Variants in LPP observed in about 807,000 individuals in gnomAD.
LPP encodes lipoma-preferred partner.
Under a neutral mutation model 60.4 loss-of-function variants are expected in LPP, and 38 were observed. That is an observed-to-expected ratio of 0.63 (90% CI 0.49 to 0.83). The LOEUF is 0.83. Among genes scored for constraint, LPP ranks in the 40% least tolerant of loss-of-function variants. LPP has a pLI of 0.00. For missense variants in LPP, 902 were observed against 783.6 expected, an observed-to-expected ratio of 1.15 and a Z score of -1.80; for synonymous variants, 328 against 290.8, an observed-to-expected ratio of 1.13 and a Z score of -1.30.
chr3:188,231,434 A>C (rs73057670), intron 2 of LPP, among the ~76,000 whole-genome samples: 2,472 of 152,344 alleles, frequency 0.016, 59 homozygotes, highest in African/African-American at 0.054. Context: ...GCACTGGTAC[A>C]TAATAGCACA....
rs1277054996 is a variant in LPP at position 188,708,254 on chromosome 3, T to G, written c.1114-13T>G. On this transcript the variant is annotated splice_polypyrimidine_tract_variant and intron_variant, in intron 7 of 11. Coordinates refer to ENST00000617246, the MANE Select transcript of LPP (RefSeq NM_001375462.1). ...GGTGGCAATTAAAGGACTGTGTGCT[T>G]TCTGCCTTTCAGGGTGGCCATTCAG... is the stretch of plus-strand genomic sequence containing the variant. The G allele has an allele frequency of 1.2e-6, 2 of 1,613,770 alleles. No homozygotes were observed. Among genetic ancestry groups the G allele is most frequent in the African/African-American group, 2.7e-5 (2 of 74,926 alleles).
At chr3:188,384,787 CTCAAAA>C (rs1560332367) in intron 3 of LPP, among the ~76,000 whole-genome samples, 1 of 39,830 alleles carries the variant, frequency 2.5e-5, no homozygotes. Context: ...GAGACTCTGT[CTCAAAA>C]AAAAAAAAAA....
intron 3 of LPP, among the ~76,000 whole-genome samples, chr3:188,364,753 T>A (rs1371505035): frequency 1.3e-5 from 2 of 152,210 alleles, no homozygotes; most frequent in African/African-American, 2.4e-5. Context: ...TTTTTCATAT[T>A]TGTTTCCTGC....
chr3:188,684,799 A>ATGCATGG lies in LPP; in HGVS notation c.1114-23466_1114-23460dup, dbSNP rs567866504. On this transcript the variant is annotated intron_variant, in intron 7 of 11. Coordinates refer to ENST00000617246, the MANE Select transcript of LPP (RefSeq NM_001375462.1). ...TCCCTGTGTTACTGTGTCATCTCTC[A>ATGCATGG]TGCATGGTATAGGATGATGATGGTG... is the stretch of plus-strand genomic sequence containing the variant. Among the ~76,000 whole-genome samples, 719 of 151,924 alleles carry ATGCATGG rather than the reference A, an allele frequency of 4.7e-3. 7 individuals carry two copies. Among genetic ancestry groups the ATGCATGG allele is most frequent in the Non-Finnish European group, 7.3e-3 (499 of 67,952 alleles).
rs73054788 is a variant in LPP at position 188,561,755 on chromosome 3, T to C, written c.429+36968T>C. Among the ~76,000 whole-genome samples, 636 of 152,148 alleles carry C rather than the reference T, an allele frequency of 4.2e-3. 7 individuals carry two copies. Among genetic ancestry groups the C allele is most frequent in the African/African-American group, 0.014 (601 of 41,530 alleles). Reference sequence around the variant, plus strand: ...TTTTAATTTTGCAAGGAAATACTCATTACATATAAGGATAGGAGACTTCAC... The same window carrying C: ...TTTTAATTTTGCAAGGAAATACTCACTACATATAAGGATAGGAGACTTCAC... On this transcript the variant is annotated intron_variant, in intron 6 of 11. Transcript: ENST00000617246.
chr3:188,440,453 G>A (rs1410486827), intron 4 of LPP, among the ~76,000 whole-genome samples: 1 of 151,854 alleles, frequency 6.6e-6, no homozygotes, highest in Middle Eastern at 3.2e-3. Flanking sequence ...GGATTTTTTT[G>A]TAGTCCTTCA....
intron 5 of LPP, among the ~76,000 whole-genome samples, chr3:188,488,505 C>T (rs981478550): frequency 6.6e-6 from 1 of 152,128 alleles, no homozygotes; most frequent in Non-Finnish European, 1.5e-5. Flanking sequence ...GTTCTTCATT[C>T]ATTCAGTGTA....
chr3:188,589,409 T>C (rs1355382247), intron 6 of LPP, among the ~76,000 whole-genome samples: 1 of 152,190 alleles, frequency 6.6e-6, no homozygotes, highest in Non-Finnish European at 1.5e-5. Flanking sequence ...CCTTCTGTCC[T>C]ATGAATGCCA....
At chr3:188,591,967 G>C (rs1479207550) in intron 6 of LPP, among the ~76,000 whole-genome samples, 1 of 152,196 alleles carries the variant, frequency 6.6e-6, no homozygotes, top group Non-Finnish European at 1.5e-5. Context: ...GAGAAGTGTG[G>C]AGGTGGGAGC....
rs566661068 is a variant in LPP at position 188,162,997 on chromosome 3, C to T, written c.-190+8745C>T. Reference sequence around the variant, plus strand: ...TCACCACAGTTGAGTATAGTGTGCCCGCAAAAGTGGGATGAGTGCCACAGA... The same window carrying T: ...TCACCACAGTTGAGTATAGTGTGCCTGCAAAAGTGGGATGAGTGCCACAGA... On this transcript the variant is annotated intron_variant, in intron 1 of 11. Coordinates refer to ENST00000617246, the MANE Select transcript of LPP (RefSeq NM_001375462.1). Among the ~76,000 whole-genome samples the T allele has an allele frequency of 4.6e-5, 7 of 152,180 alleles. No individual in the cohort carries two copies. In the South Asian group the frequency reaches 6.2e-4, roughly 14 times the overall value.
At chr3:188,612,241 T>A (rs1426878267) in intron 7 of LPP, among the ~76,000 whole-genome samples, 1 of 152,190 alleles carries the variant, frequency 6.6e-6, no homozygotes, top group African/African-American at 2.4e-5. Context: ...ATCTGTCCTG[T>A]CTGTGCTTTG....
At chr3:188,544,219 T>C (rs1825943593) in intron 6 of LPP, among the ~76,000 whole-genome samples, 1 of 152,180 alleles carries the variant, frequency 6.6e-6, no homozygotes, top group South Asian at 2.1e-4. Flanking sequence ...TAGTACAGAT[T>C]TTCAGCTTGA....
chr3:188,202,227 A>C (rs1029805586), intron 1 of LPP, among the ~76,000 whole-genome samples: 2 of 152,222 alleles, frequency 1.3e-5, no homozygotes, highest in South Asian at 4.1e-4. Flanking sequence ...GAATGCCTCA[A>C]ACTGTAGTTT....
intron 8 of LPP, among the ~76,000 whole-genome samples, chr3:188,753,580 C>CGCGTGTGT (rs1553829911): frequency 2.1e-5 from 3 of 139,560 alleles, no homozygotes; most frequent in Non-Finnish European, 4.6e-5. Flanking sequence ...TTGTTGTGTG[C>CGCGTGTGT]GTGTGTGTGT....
chr3:188,326,074 T>C (rs1758348373), intron 2 of LPP, among the ~76,000 whole-genome samples: 1 of 152,346 alleles, frequency 6.6e-6, no homozygotes, highest in East Asian at 1.9e-4. Flanking sequence ...TGGCCCTGTG[T>C]GCAGACACAG....
intron 2 of LPP, among the ~76,000 whole-genome samples, chr3:188,310,336 T>C (rs1448476374): frequency 6.6e-6 from 1 of 151,994 alleles, no homozygotes; most frequent in African/African-American, 2.4e-5. Flanking sequence ...ACTGTGTGTA[T>C]TCTGTGGTGA....
intron 2 of LPP, among the ~76,000 whole-genome samples, chr3:188,249,168 C>G (rs1418294652): frequency 6.6e-6 from 1 of 152,090 alleles, no homozygotes; most frequent in Admixed American, 6.6e-5. Flanking sequence ...GGAGGCCGAG[C>G]AGGGAGGATA....
intron 9 of LPP, among the ~76,000 whole-genome samples, chr3:188,766,330 A>C (rs1034581300): frequency 1.5e-5 from 2 of 133,622 alleles, no homozygotes; most frequent in Non-Finnish European, 3.4e-5. Context: ...CTACTGATGA[A>C]AAACCATAAG....
chr3:188,544,004 G>A (rs918064301), intron 6 of LPP, among the ~76,000 whole-genome samples: 4 of 152,108 alleles, frequency 2.6e-5, no homozygotes, highest in African/African-American at 7.2e-5. Flanking sequence ...AATAGAATCT[G>A]GAAGGAGTAA....
Sources: allele counts gnomAD v4.1 joint callset (sites outside exome capture counted in the v4.1 genomes callset), GRCh38; gene constraint gnomAD v4.1.1; transcripts MANE v1.5; gene names NCBI Gene and HGNC (gene_info 2026-07-23, HGNC 2026-07-21).